Variants in INO80 observed in about 807,000 individuals in gnomAD.
INO80 encodes the protein INO80 complex ATPase subunit.
INO80 carries 20 observed loss-of-function variants against 203.4 expected under a neutral mutation model. The ratio of observed to expected loss-of-function variants is 0.10; its 90% confidence interval spans 0.07 to 0.14. The LOEUF (loss-of-function observed/expected upper bound fraction) is 0.14. Among genes scored for constraint, INO80 ranks in the 10% least tolerant of loss-of-function variants. The pLI is 1.00. For missense variants in INO80, 1,419 were observed against 1,914.4 expected, an observed-to-expected ratio of 0.74 and a Z score of 4.83; for synonymous variants, 726 against 685.2, an observed-to-expected ratio of 1.06 and a Z score of -0.93.
At chr15:40,994,686 C>T (rs1201797040) in intron 29 of INO80, among the ~76,000 whole-genome samples, 1 of 151,872 alleles carries the variant, frequency 6.6e-6, no homozygotes, top group Non-Finnish European at 1.5e-5. Flanking sequence ...GTATTTTTTC[C>T]ATTTCTTTAT....
At chr15:41,007,988 A>G (rs1393568823) in intron 27 of INO80, among the ~76,000 whole-genome samples, 1 of 152,184 alleles carries the variant, frequency 6.6e-6, no homozygotes, top group Non-Finnish European at 1.5e-5. Flanking sequence ...AGCCTGGCCA[A>G]CATGGCGAAA....
chr15:41,110,948 C>T (rs2045950186), intron 1 of INO80, among the ~76,000 whole-genome samples: 2 of 152,030 alleles, frequency 1.3e-5, no homozygotes, highest in African/African-American at 4.8e-5. Context: ...TGTCTCAGAA[C>T]CAAGCATAAT....
intron 1 of INO80, among the ~76,000 whole-genome samples, chr15:41,107,799 CAATAAATA>C (rs985716052): frequency 2.7e-5 from 4 of 150,820 alleles, no homozygotes; most frequent in Non-Finnish European, 5.9e-5. Context: ...GACTATGTCT[CAATAAATA>C]AATAAATAAA....
chr15:41,110,859 C>A (rs928200418), intron 1 of INO80, among the ~76,000 whole-genome samples: 16 of 152,186 alleles, frequency 1.1e-4, no homozygotes, highest in African/African-American at 2.9e-4. Flanking sequence ...ATCTTAAAAT[C>A]TACTGGAGAT....
intron 24 of INO80, among the ~76,000 whole-genome samples, chr15:41,040,083 A>G (rs74014743): frequency 0.029 from 4,468 of 152,242 alleles, 214 homozygotes; most frequent in African/African-American, 0.1. Flanking sequence ...CGGGCTCACA[A>G]CTGTGATCGC....
intron 14 of INO80, among the ~76,000 whole-genome samples, chr15:41,066,266 C>T (rs1596305766): frequency 6.6e-6 from 1 of 152,054 alleles, no homozygotes; most frequent in Non-Finnish European, 1.5e-5. Flanking sequence ...GCGTGAGCCA[C>T]CGCACCCGGC....
chr15:41,004,809 TA>T (rs1438019811), intron 28 of INO80: 1 of 152,170 alleles, frequency 6.6e-6, no homozygotes, highest in African/African-American at 2.4e-5. Context: ...GCTACTATGT[TA>T]AAAGGAAAGC....
chr15:41,010,916 A>G (rs1434191860), intron 27 of INO80, among the ~76,000 whole-genome samples: 1 of 152,212 alleles, frequency 6.6e-6, no homozygotes, highest in East Asian at 1.9e-4. Flanking sequence ...CTTTTGGGGT[A>G]TATCATTAGC....
At chr15:41,011,116 C>G (rs1417798630) in intron 27 of INO80, among the ~76,000 whole-genome samples, 3 of 152,188 alleles carry the variant, frequency 2.0e-5, no homozygotes, top group African/African-American at 7.2e-5. Context: ...CCATATGTTC[C>G]AGTCACAATG....
rs1044587167 is a variant in INO80, at chr15:41,070,561, A to C, written c.1606-14T>G. The stretch of plus-strand genomic sequence containing the variant: ...GCCATTAATACCCTGGGGAAAAAAA[A>C]TACATGGTCAACACCTCATGCATTT... On this transcript the variant is annotated splice_polypyrimidine_tract_variant and intron_variant, in intron 12 of 35. Coordinates refer to ENST00000648947, the MANE Select transcript of INO80 (RefSeq NM_017553.3). 4.4e-6 allele frequency: 7 copies of C among 1,601,410 alleles called. No individual in the cohort carries two copies. The Middle Eastern group carries it at 4.9e-4, about 113-fold the overall frequency.
At chr15:41,096,572 AAC>A (rs1469530029) in intron 1 of INO80, among the ~76,000 whole-genome samples, 1 of 152,212 alleles carries the variant, frequency 6.6e-6, no homozygotes, top group Non-Finnish European at 1.5e-5. Context: ...AAAATACAGC[AAC>A]ACAGTTACAT....
intron 32 of INO80, 115 bp from the exon 33 acceptor site, chr15:40,984,467 A>G: frequency 3.2e-6 from 3 of 923,892 alleles, no homozygotes; most frequent in Non-Finnish European, 4.9e-6. Context: ...AAACTTCTCA[A>G]TTAGCATATT....
rs1158220042 is a variant in INO80 at position 40,979,954 on chromosome 15, G to A, written c.*269C>T. 5 of 500,624 alleles carry A rather than the reference G, an allele frequency of 1.0e-5. No homozygotes were observed. The highest frequency in any genetic ancestry group is 5.5e-4 in the Middle Eastern group (1 of 1,826). The allele number at this position is 500,624 out of a possible 1,614,324, so 31.0% of individuals were successfully genotyped here. A position where few individuals can be genotyped will look rare whatever the true frequency, so the allele number is the denominator to read the frequency against. On this transcript the variant is annotated 3_prime_UTR_variant, in exon 36 of 36. Coordinates refer to ENST00000648947, the MANE Select transcript of INO80 (RefSeq NM_017553.3). ...CTGTGTCAGGCTTGCCCCGTGAGAGGTTTAAGACTTGGCTATACAGTTCAC... is the reference window on the plus strand; with the variant it reads ...CTGTGTCAGGCTTGCCCCGTGAGAGATTTAAGACTTGGCTATACAGTTCAC...
In INO80 at chr15:41,111,213, A is replaced by C. The variant is rs778621383; in HGVS notation, c.-44+4760T>G. Among the ~76,000 whole-genome samples the C allele has an allele frequency of 4.5e-4, 69 of 152,232 alleles. 1 individual carries two copies. The highest frequency in any genetic ancestry group is 7.5e-4 in the Non-Finnish European group (51 of 68,030). ...ATAATCCTAGCACTTTGGGAGGTAG[A>C]GGCAGGCAAATCACCTGAGGTCAGG... On this transcript the variant is annotated intron_variant, in intron 1 of 35. Coordinates refer to ENST00000648947, the MANE Select transcript of INO80 (RefSeq NM_017553.3).
chr15:40,991,386 A>G (rs1292952891), intron 29 of INO80, among the ~76,000 whole-genome samples: 2 of 152,184 alleles, frequency 1.3e-5, no homozygotes, highest in Admixed American at 6.5e-5. Context: ...TATGGTTACC[A>G]TCTAATCTAA....
chr15:41,105,362 ACATGCT>A (rs1303150119), intron 1 of INO80, among the ~76,000 whole-genome samples: 1 of 152,214 alleles, frequency 6.6e-6, no homozygotes. Context: ...TAAGGAGGCT[ACATGCT>A]CACCCATTCT....
chr15:41,003,330 TTTTC>T (rs1242136932), intron 28 of INO80, among the ~76,000 whole-genome samples: 4 of 9,022 alleles, frequency 4.4e-4, no homozygotes, highest in East Asian at 0.045. Context: ...TTTTCTTTTC[TTTTC>T]TTTTTTTTTT....
At chr15:41,027,899 C>T in intron 24 of INO80, 163 bp from the exon 25 acceptor site, 1 of 450,116 alleles carries the variant, frequency 2.2e-6, no homozygotes, top group South Asian at 5.5e-5. Context: ...GTATATAATA[C>T]AGTTGAAGCC....
Position 41,093,403 on chromosome 15 carries a change from C to T in INO80, c.382-1221G>A, listed in dbSNP as rs550010529. Among the ~76,000 whole-genome samples the T allele has an allele frequency of 2.7e-3, 410 of 150,612 alleles. 3 individuals carry two copies. Among genetic ancestry groups the T allele is most frequent in the South Asian group, 0.013 (61 of 4,728 alleles). On this transcript the variant is annotated intron_variant, in intron 4 of 35. Transcript: ENST00000648947. ...TCACGCCACTGCACTACAGCCTGGG[C>T]GACAGAGCAAGACTCCGTCTCAAAA... is the stretch of plus-strand genomic sequence containing the variant.
Sources: gnomAD v4.1 joint callset for allele counts (sites outside exome capture counted in the v4.1 genomes callset) on GRCh38, gnomAD v4.1.1 for gene constraint, MANE v1.5 for transcripts, NCBI Gene and HGNC (gene_info 2026-07-23, HGNC 2026-07-21) for gene names.